Variants in LRPPRC observed in about 807,000 individuals in gnomAD.
LRPPRC encodes the protein leucine rich pentatricopeptide repeat containing.
Under a neutral mutation model 180.3 loss-of-function variants are expected in LRPPRC, and 120 were observed. The observed-to-expected ratio is 0.67, with a 90% CI of 0.57 to 0.77. The LOEUF is 0.77. Ranked by LOEUF, LRPPRC falls within the 30% of genes least tolerant of loss-of-function variation. The pLI is 0.00. For synonymous variants in LRPPRC, 723 were observed against 600.0 expected (o/e 1.21, Z -3.00); for missense variants, 2,012 against 1,657.2 (o/e 1.21, Z -3.72).
Position 43,947,829 on chromosome 2 carries a change from T to A in LRPPRC, c.1921-54A>T, listed in dbSNP as rs35768060. ...ATTAGAAAACACACGTAAAAATACA[T>A]CAGCAAACATCAAAAGCAAATTTGT... On this transcript the variant is annotated intron_variant, in intron 18 of 37. Transcript: ENST00000260665. The A allele has an allele frequency of 0.058, 66,118 of 1,137,142 alleles. 2,343 individuals are homozygous for A. The highest frequency in any genetic ancestry group is 0.096 in the South Asian group (7,785 of 81,188). 70.4% of individuals were successfully genotyped at this position (1,137,142 alleles called of 1,614,324 possible).
chr2:43,992,023 G>T (rs1674803491), intron 1 of LRPPRC, among the ~76,000 whole-genome samples: 1 of 152,246 alleles, frequency 6.6e-6, no homozygotes, highest in Admixed American at 6.5e-5. Flanking sequence ...AGCAAAAGGA[G>T]TAAGACACAG....
chr2:43,927,926 A>G (rs980318320), intron 25 of LRPPRC, among the ~76,000 whole-genome samples: 15 of 152,224 alleles, frequency 9.9e-5, no homozygotes, highest in African/African-American at 3.4e-4. Context: ...TTAACATCTT[A>G]TTGAATTTTA....
At position 43,974,769 on chromosome 2, in the gene LRPPRC, T is replaced by C. The variant is rs1572567462; in HGVS notation, c.865-11A>G. 2 of 1,611,146 alleles carry C rather than the reference T, an allele frequency of 1.2e-6. No individual in the cohort carries two copies. The highest frequency in any genetic ancestry group is 2.2e-5 in the East Asian group (1 of 44,782). ...CACCTTCTCCAGAGTCTATAGAGAG[T>C]TCCAGAAATTAGAAGACAAAGTTAG... On this transcript the variant is annotated splice_polypyrimidine_tract_variant and intron_variant, in intron 7 of 37. Transcript: ENST00000260665.
intron 1 of LRPPRC, among the ~76,000 whole-genome samples, chr2:43,986,692 C>CA (rs941429019): frequency 4.6e-5 from 7 of 152,172 alleles, no homozygotes; most frequent in South Asian, 4.1e-4. Flanking sequence ...GGTTAGCACT[C>CA]AGACGGTCTC....
At chr2:43,940,778 A>C (rs999352348) in intron 23 of LRPPRC, among the ~76,000 whole-genome samples, 1 of 152,198 alleles carries the variant, frequency 6.6e-6, no homozygotes, top group Admixed American at 6.5e-5. Flanking sequence ...CCTTGACCAT[A>C]ACATGAAGAC....
intron 29 of LRPPRC, among the ~76,000 whole-genome samples, chr2:43,915,093 G>A (rs1330196510): frequency 1.3e-5 from 2 of 150,078 alleles, no homozygotes; most frequent in Non-Finnish European, 3.0e-5. Context: ...AGTCAGGCAT[G>A]GTGGTGGGTG....
intron 31 of LRPPRC, among the ~76,000 whole-genome samples, chr2:43,905,073 T>C (rs1295260569): frequency 6.6e-6 from 1 of 152,192 alleles, no homozygotes; most frequent in Non-Finnish European, 1.5e-5. Flanking sequence ...CCCAAAGTCA[T>C]GTCCACATCT....
intron 21 of LRPPRC, among the ~76,000 whole-genome samples, chr2:43,945,783 A>C (rs1672659083): frequency 6.6e-6 from 1 of 152,082 alleles, no homozygotes; most frequent in Non-Finnish European, 1.5e-5. Context: ...ATAGAATTTT[A>C]TTTACACTAC....
chr2:43,968,889 C>A (rs2103691802), intron 11 of LRPPRC, among the ~76,000 whole-genome samples: 1 of 152,312 alleles, frequency 6.6e-6, no homozygotes, highest in Middle Eastern at 3.4e-3. Flanking sequence ...CTCATGCACA[C>A]AGGCATACAC....
chr2:43,959,171 A>T (rs1054342849), intron 13 of LRPPRC: 6 of 715,834 alleles, frequency 8.4e-6, no homozygotes, highest in Non-Finnish European at 1.6e-5. Flanking sequence ...TCGTGAGCCC[A>T]GATTCCTCTG....
intron 27 of LRPPRC, 79 bp downstream of exon 27, chr2:43,924,984 GCTCC>G: frequency 2.4e-6 from 2 of 825,962 alleles, no homozygotes; most frequent in Non-Finnish European, 4.3e-6. Flanking sequence ...AATCCCTGGA[GCTCC>G]CTCAAAACCA....
intron 1 of LRPPRC, 33 bp from the exon 2 acceptor site, chr2:43,982,467 T>C (rs914734972): frequency 3.3e-6 from 5 of 1,501,796 alleles, no homozygotes; most frequent in Non-Finnish European, 4.6e-6. Flanking sequence ...TAATAATCAG[T>C]TGCTATCTAT....
rs2105077651 is a variant in LRPPRC, at chr2:43,943,821, G to GA, written c.2369dup (p.His791ProfsTer11). 3.7e-6 allele frequency: 6 copies of GA among 1,613,402 alleles called. No homozygotes were observed. Among genetic ancestry groups the GA allele is most frequent in the Non-Finnish European group, 5.1e-6 (6 of 1,179,448 alleles). ...TTAAAGCTGCGCCATTTAGCATGTGGAAAAAGGACAAGGCTGTTGTATCTT... is the reference window on the plus strand; with the variant it reads ...TTAAAGCTGCGCCATTTAGCATGTGGAAAAAAGGACAAGGCTGTTGTATCTT... On this transcript the variant is annotated frameshift_variant, in exon 23 of 38. Coordinates refer to ENST00000260665, the MANE Select transcript of LRPPRC (RefSeq NM_133259.4). LOFTEE classifies it high-confidence loss of function.
At chr2:43,893,093 G>A (rs936958685) in intron 36 of LRPPRC, among the ~76,000 whole-genome samples, 3 of 152,166 alleles carry the variant, frequency 2.0e-5, no homozygotes, top group African/African-American at 4.8e-5. Flanking sequence ...GAAGTGGAGC[G>A]TGAAGACGTG....
At chr2:43,971,505 GAAAA>G (rs1381494978) in intron 11 of LRPPRC, among the ~76,000 whole-genome samples, 1 of 76,504 alleles carries the variant, frequency 1.3e-5, no homozygotes, top group Non-Finnish European at 2.7e-5. Context: ...AAAAAAAAAA[GAAAA>G]AAATATATAT....
chr2:43,886,481 TTAAA>T lies in LRPPRC; in HGVS notation c.*2115_*2118del, dbSNP rs1670275211. ...CCACCTACAGTATAGTTATTATACT[TTAAA>T]TATTTATATTCAATAGGGGAATCAA... On this transcript the variant is annotated 3_prime_UTR_variant, in exon 38 of 38. Coordinates refer to ENST00000260665, the MANE Select transcript of LRPPRC (RefSeq NM_133259.4). 1 of 152,188 alleles carries T rather than the reference TTAAA, an allele frequency of 6.6e-6. No individual in the cohort carries two copies. Among genetic ancestry groups the T allele is most frequent in the Non-Finnish European group, 1.5e-5 (1 of 68,028 alleles). The allele number at this position is 152,188 out of a possible 1,614,324, so 9.4% of individuals were successfully genotyped here.
At chr2:43,944,871 C>A (rs1310267594) in intron 22 of LRPPRC, among the ~76,000 whole-genome samples, 3 of 151,972 alleles carry the variant, frequency 2.0e-5, no homozygotes, top group Non-Finnish European at 4.4e-5. Flanking sequence ...AAAATAAAAA[C>A]TTTAAAGTAT....
intron 23 of LRPPRC, among the ~76,000 whole-genome samples, chr2:43,938,687 A>G (rs1416318064): frequency 6.6e-6 from 1 of 152,206 alleles, no homozygotes; most frequent in Non-Finnish European, 1.5e-5. Context: ...AACGTCACTG[A>G]CAGAAAAACA....
At chr2:43,973,998 C>T in intron 9 of LRPPRC, 98 bp from the exon 10 acceptor site, 1 of 1,107,892 alleles carries the variant, frequency 9.0e-7, no homozygotes, top group East Asian at 2.4e-5. Context: ...GCATTTTAAA[C>T]CCCGCATCCT....
Sources: gnomAD v4.1 joint callset for allele counts (sites outside exome capture counted in the v4.1 genomes callset) on GRCh38, gnomAD v4.1.1 for gene constraint, MANE v1.5 for transcripts, NCBI Gene and HGNC (gene_info 2026-07-23, HGNC 2026-07-21) for gene names.